Variants in BCOR observed in about 807,000 individuals in gnomAD.
The protein encoded by BCOR is BCL6 corepressor, also known as BCL-6 corepressor.
Under a neutral mutation model 86.7 loss-of-function variants are expected in BCOR, and 10 were observed. The ratio of observed to expected loss-of-function variants is 0.12; its 90% CI spans 0.07 to 0.20. BCOR has a LOEUF of 0.20. Among genes scored for constraint, BCOR ranks in the 10% least tolerant of loss-of-function variants. The pLI is 1.00. For missense variants in BCOR, 1,259 were observed against 1,452.1 expected (o/e 0.87, Z 2.16); for synonymous variants, 611 against 609.0 (o/e 1.00, Z -0.05).
Position 40,062,982 on chromosome X carries a change from G to C in BCOR, c.3937C>G (p.Pro1313Ala), listed in dbSNP as rs930630046. 5.9e-6 allele frequency: 7 copies of C among 1,182,040 alleles called. No individual in the cohort carries two copies. The highest frequency in any genetic ancestry group is 7.9e-6 in the Non-Finnish European group (7 of 880,655). Reference protein sequence around the residue: ...GKKQAQPSCAPASRPPAKQQK... With the variant: ...GKKQAQPSCAAASRPPAKQQK... ...TGTTTGGCAGGCGGCCTGGAGGCTG[G>C]TGCGCAGCTTGGCTGAGCCTGCTTT... The change falls in exon 9 of 15, where the codon CCA (proline) becomes GCA (alanine). Residue 1313 changes from proline to alanine, a missense_variant. By Grantham distance (27) the Pro-to-Ala change is conservative. This residue lies in a region of BCOR where 305 missense variants were observed against 286.1 expected (regional missense o/e 1.07). Coordinates refer to ENST00000378444, the MANE Select transcript of BCOR (RefSeq NM_001123385.2).
chrX:40,128,402 T>C (rs1745035255), intron 1 of BCOR, among the ~76,000 whole-genome samples: 1 of 110,118 alleles, frequency 9.1e-6, no homozygotes, highest in Non-Finnish European at 1.9e-5. Flanking sequence ...AAAAATTAGC[T>C]CGGCTTGGTG....
At chrX:40,054,136 T>A in intron 13 of BCOR, 94 bp from the exon 14 acceptor site, 2 of 1,123,267 alleles carry the variant, frequency 1.8e-6, no homozygotes, top group Non-Finnish European at 2.4e-6. Context: ...ATAACAAGAT[T>A]CTTTCCCAAG....
chrX:40,075,106 T>C lies in BCOR; in HGVS notation c.240A>G (p.Glu80=), dbSNP rs1172322701. 1 of 1,207,217 alleles carries C rather than the reference T, an allele frequency of 8.3e-7. No individual in the cohort carries two copies. The highest frequency in any genetic ancestry group is 1.1e-6 in the Non-Finnish European group (1 of 893,983). Residue 80 remains glutamate (E), a synonymous_variant, in exon 4 of 15, where the codon GAA becomes GAG. Coordinates refer to ENST00000378444, the MANE Select transcript of BCOR (RefSeq NM_001123385.2). ...CGATGTTTCCCGGGACCCGCAGCCCTTCCCGGATCAGGCCAGTGCGGTCCA... is the reference window on the plus strand; with the variant it reads ...CGATGTTTCCCGGGACCCGCAGCCCCTCCCGGATCAGGCCAGTGCGGTCCA... ...LSMDRTGLIR[E]GLRVPGNIVY...
At chrX:40,145,493 C>A (rs1413184977) in intron 1 of BCOR, among the ~76,000 whole-genome samples, 1 of 111,222 alleles carries the variant, frequency 9.0e-6, no homozygotes, top group Non-Finnish European at 1.9e-5. Context: ...CAGGCCCACA[C>A]TCACCAGAAA....
At chrX:40,138,005 T>G (rs181051552) in intron 1 of BCOR, among the ~76,000 whole-genome samples, 5 of 110,725 alleles carry the variant, frequency 4.5e-5, no homozygotes, top group African/African-American at 1.6e-4. Flanking sequence ...CAGGCTAGAG[T>G]GCAATGGCGC....
At chrX:40,082,557 T>G (rs1263950693) in intron 1 of BCOR, among the ~76,000 whole-genome samples, 1 of 110,718 alleles carries the variant, frequency 9.0e-6, no homozygotes, top group African/African-American at 3.3e-5. Flanking sequence ...TCCCAGCCAG[T>G]GTGCTGGGGT....
At chrX:40,105,734 G>A (rs777504057) in intron 1 of BCOR, among the ~76,000 whole-genome samples, 41 of 112,463 alleles carry the variant, frequency 3.6e-4, no homozygotes, top group African/African-American at 1.3e-3. Context: ...CCGAAGCTCA[G>A]GGCCAGGAGC....
At chrX:40,124,703 A>G (rs1307466214) in intron 1 of BCOR, among the ~76,000 whole-genome samples, 1 of 110,463 alleles carries the variant, frequency 9.1e-6, no homozygotes, top group East Asian at 2.8e-4. Flanking sequence ...CCCGGGCTCA[A>G]CCAATCCTCC....
Position 40,073,544 on chromosome X carries a change from G to A in BCOR, c.1802C>T (p.Pro601Leu), listed in dbSNP as rs895548545. The change falls in exon 4 of 15, where the codon CCC (proline) becomes CTC (leucine). Residue 601 changes from proline to leucine, a missense_variant. By Grantham distance (98) the Pro-to-Leu change is moderately conservative. Around this residue, in one of 7 missense-constraint regions of BCOR, gnomAD observed 534 missense variants for 594.8 expected, o/e 0.90. Coordinates refer to ENST00000378444, the MANE Select transcript of BCOR (RefSeq NM_001123385.2). ...ACTGTGCTTGGCAGGAGTGGCCGGG[G>A]GCTGGCCCACGTGCTGAATAACGGA... ...TPSVIQHVGQ[P>L]PATPAKHSSS... 3.3e-5 allele frequency: 40 copies of A among 1,211,215 alleles called. No homozygotes were observed. The highest frequency in any genetic ancestry group is 4.5e-5 in the Non-Finnish European group (40 of 895,541).
At chrX:40,099,896 G>A (rs1033955837), upstream of BCOR, among the ~76,000 whole-genome samples, 1 of 112,060 alleles carries the variant, frequency 8.9e-6, no homozygotes, top group South Asian at 3.6e-4. Context: ...GCCCAGCCAG[G>A]CTGGGCCGCG....
intron 1 of BCOR, among the ~76,000 whole-genome samples, chrX:40,086,549 T>C (rs1936365909): frequency 8.9e-6 from 1 of 112,952 alleles, no homozygotes; most frequent in South Asian, 3.6e-4. Context: ...TAAAGATGTG[T>C]GTTGGGGATG....
chrX:40,108,128 C>A (rs1937229146), intron 1 of BCOR, among the ~76,000 whole-genome samples: 1 of 112,809 alleles, frequency 8.9e-6, no homozygotes. Context: ...GCGGGAGGCC[C>A]ATTATGACTC....
At chrX:40,115,568 G>A (rs912551236) in intron 1 of BCOR, among the ~76,000 whole-genome samples, 1 of 110,002 alleles carries the variant, frequency 9.1e-6, no homozygotes, top group East Asian at 2.8e-4. Context: ...TTGAGGTCAG[G>A]AGTTCAAGAC....
At chrX:40,174,517 T>TACCC (rs1310984037) in intron 1 of BCOR, among the ~76,000 whole-genome samples, 2 of 112,538 alleles carry the variant, frequency 1.8e-5, no homozygotes, top group African/African-American at 6.5e-5. Flanking sequence ...CCCCTCCCCG[T>TACCC]ACCCAGCAGC....
intron 1 of BCOR, among the ~76,000 whole-genome samples, chrX:40,154,246 C>A: frequency 9.1e-6 from 1 of 109,681 alleles, no homozygotes; most frequent in Non-Finnish European, 1.9e-5. Context: ...CGCCCCTCCC[C>A]CTCCTCGCCC....
intron 1 of BCOR, among the ~76,000 whole-genome samples, chrX:40,080,211 G>A (rs1259611921): frequency 9.2e-6 from 1 of 108,191 alleles, no homozygotes; most frequent in Non-Finnish European, 1.9e-5. Flanking sequence ...GGAGGCCGAG[G>A]TGGGTGGATC....
chrX:40,066,303 T>G (rs1236411408), intron 6 of BCOR, among the ~76,000 whole-genome samples: 2 of 111,786 alleles, frequency 1.8e-5, no homozygotes, highest in Non-Finnish European at 3.8e-5. Flanking sequence ...ACTTACACTA[T>G]GCAGAAGTGG....
intron 1 of BCOR, among the ~76,000 whole-genome samples, chrX:40,091,969 AGCACT>A (rs1431114467): frequency 2.8e-4 from 32 of 112,915 alleles, no homozygotes; most frequent in Non-Finnish European, 5.5e-4. Flanking sequence ...CTTGACCCGC[AGCACT>A]GCTTTCTCCC....
chrX:40,062,414 G>A (rs377699434), intron 9 of BCOR, 21 bp from the exon 10 acceptor site: 6 of 1,195,665 alleles, frequency 5.0e-6, no homozygotes, highest in Admixed American at 4.5e-5. Context: ...ACCAAGCAGC[G>A]CACACGGTTA....
Sources: allele counts gnomAD v4.1 joint callset (sites outside exome capture counted in the v4.1 genomes callset), GRCh38; gene constraint gnomAD v4.1.1; regional missense constraint gnomAD v4.1.1; transcripts MANE v1.5; gene names NCBI Gene and HGNC (gene_info 2026-07-23, HGNC 2026-07-21).